SLC24A4: variants seen among roughly 807,000 people sequenced by gnomAD.
SLC24A4 encodes sodium/potassium/calcium exchanger 4.
SLC24A4 carries 53 observed loss-of-function variants against 79.0 expected under a neutral mutation model. The observed-to-expected ratio is 0.67, with a 90% CI of 0.54 to 0.84. SLC24A4 has a LOEUF of 0.84. Among genes scored for constraint, SLC24A4 ranks in the 40% least tolerant of loss-of-function variants. The probability of loss-of-function intolerance (pLI) is 0.00; values close to 1 mark genes in which losing one functional copy is unlikely to be tolerated. For missense variants in SLC24A4, 731 were observed against 822.0 expected (o/e 0.89, Z 1.35); for synonymous variants, 323 against 323.8 (o/e 1.00, Z 0.03).
chr14:92,392,306 G>A (rs903161530), intron 2 of SLC24A4, among the ~76,000 whole-genome samples: 28 of 151,562 alleles, frequency 1.8e-4, no homozygotes, highest in Non-Finnish European at 7.4e-5. Context: ...AAAGACGATA[G>A]CAAAAAATGT....
intron 2 of SLC24A4, among the ~76,000 whole-genome samples, chr14:92,426,475 G>A (rs1295243740): frequency 1.3e-5 from 2 of 152,220 alleles, no homozygotes; most frequent in African/African-American, 4.8e-5. Context: ...CCCTTGTCCA[G>A]CTGTAGAAAT....
chr14:92,484,658 G>T (rs139332493), intron 13 of SLC24A4: 1 of 985,216 alleles, frequency 1.0e-6, no homozygotes, highest in African/African-American at 1.7e-5. Context: ...GAACACCCTG[G>T]CCTTGGTTCA....
chr14:92,400,761 A>G (rs1358495318), intron 2 of SLC24A4, among the ~76,000 whole-genome samples: 3 of 152,222 alleles, frequency 2.0e-5, no homozygotes, highest in African/African-American at 7.2e-5. Flanking sequence ...TAGCCTAAGC[A>G]CGTGGGTCCC....
chr14:92,391,779 G>A (rs1889474492), intron 2 of SLC24A4, among the ~76,000 whole-genome samples: 1 of 152,246 alleles, frequency 6.6e-6, no homozygotes, highest in African/African-American at 2.4e-5. Context: ...GAACCCAGCG[G>A]CCATGCTCTG....
chr14:92,477,156 A>G (rs1404659810), intron 12 of SLC24A4, among the ~76,000 whole-genome samples: 1 of 152,228 alleles, frequency 6.6e-6, no homozygotes. Flanking sequence ...TCAGCAATGT[A>G]TGACGGTTCC....
intron 2 of SLC24A4, among the ~76,000 whole-genome samples, chr14:92,419,672 G>C (rs1412202687): frequency 2.6e-5 from 4 of 152,228 alleles, no homozygotes; most frequent in African/African-American, 9.6e-5. Flanking sequence ...AATCAGGACT[G>C]TCCTAGAGAA....
intron 2 of SLC24A4, among the ~76,000 whole-genome samples, chr14:92,403,839 C>G (rs72631609): frequency 6.7e-5 from 10 of 150,224 alleles, no homozygotes; most frequent in Admixed American, 4.0e-4. Flanking sequence ...CCCTCCCCCC[C>G]ACCCTGGCAC....
chr14:92,453,957 G>T lies in SLC24A4; in HGVS notation c.938G>T (p.Ser313Ile). The T allele has an allele frequency of 6.2e-7, 1 of 1,613,664 alleles. No homozygotes were observed. The highest frequency in any genetic ancestry group is 2.2e-5 in the East Asian group (1 of 44,858). ...GTGGTGATGGTGGACGAGATTATGA[G>T]CTCCAGCCCTCCCAAGTTCACCTTC... ...NPVVMVDEIM[S>I]SSPPKFTFPE... The change falls in exon 11 of 17, where the codon AGC becomes ATC. Residue 313 changes from serine to isoleucine, a missense_variant. Physicochemically the swap from Ser to Ile is moderately radical, Grantham distance 142. Coordinates refer to ENST00000532405, the MANE Select transcript of SLC24A4 (RefSeq NM_153646.4).
At position 92,493,918 on chromosome 14, in the gene SLC24A4, C is replaced by G. The variant is rs1054657552; in HGVS notation, c.*290C>G. The stretch of plus-strand genomic sequence containing the variant: ...CACGGAGATGTGCCAAGCATCTCAT[C>G]TCTCCTGCACACTTTAGTCAGAAGG... On this transcript the variant is annotated 3_prime_UTR_variant, in exon 17 of 17. Transcript: ENST00000532405. 7.6e-5 allele frequency: 30 copies of G among 393,768 alleles called. No homozygotes were observed. Among genetic ancestry groups the G allele is most frequent in the African/African-American group, 5.8e-4 (29 of 49,762 alleles). 24.4% of individuals were successfully genotyped at this position (393,768 alleles called of 1,614,324 possible).
intron 3 of SLC24A4, among the ~76,000 whole-genome samples, chr14:92,438,396 G>C (rs1892295181): frequency 6.6e-6 from 1 of 152,094 alleles, no homozygotes; most frequent in African/African-American, 2.4e-5. Context: ...TTGAGTCCAG[G>C]AGTTCAAAAC....
chr14:92,455,320 G>A (rs1162196070), intron 11 of SLC24A4, among the ~76,000 whole-genome samples: 2 of 152,194 alleles, frequency 1.3e-5, no homozygotes, highest in Non-Finnish European at 2.9e-5. Flanking sequence ...AATGTGCATA[G>A]CTGCAGTCTT....
chr14:92,343,615 T>TCTTTCTTTCTTTCTTC (rs1242746862), intron 2 of SLC24A4, among the ~76,000 whole-genome samples: 3 of 147,342 alleles, frequency 2.0e-5, no homozygotes, highest in Non-Finnish European at 4.5e-5. Context: ...TTTCTTTCTT[T>TCTTTCTTTCTTTCTTC]CTTTCTTTCT....
At position 92,425,519 on chromosome 14, in the gene SLC24A4, C is replaced by T. The variant is rs112109091; in HGVS notation, c.242-8393C>T. ...TGCTGCAGAGGCTGTGGTCTGACATCCCAGGCTAGTTGCTTTGGAGCTGTG... is the reference window on the plus strand; with the variant it reads ...TGCTGCAGAGGCTGTGGTCTGACATTCCAGGCTAGTTGCTTTGGAGCTGTG... On this transcript the variant is annotated intron_variant, in intron 2 of 16. Transcript: ENST00000532405. Among the ~76,000 whole-genome samples the T allele has an allele frequency of 6.4e-3, 982 of 152,328 alleles. 7 individuals are homozygous for T. The highest frequency in any genetic ancestry group is 0.022 in the African/African-American group (922 of 41,572).
At chr14:92,486,400 G>T (rs755320633) in intron 13 of SLC24A4, among the ~76,000 whole-genome samples, 2 of 152,126 alleles carry the variant, frequency 1.3e-5, no homozygotes, top group Non-Finnish European at 2.9e-5. Context: ...GGTAAAGCAG[G>T]GTTCATGTGG....
chr14:92,337,036 G>T (rs1885848501), intron 2 of SLC24A4, among the ~76,000 whole-genome samples: 1 of 152,112 alleles, frequency 6.6e-6, no homozygotes, highest in Non-Finnish European at 1.5e-5. Context: ...AGGCTTTGGG[G>T]ATTTATCTAG....
At chr14:92,364,490 G>A (rs1384569867) in intron 2 of SLC24A4, among the ~76,000 whole-genome samples, 2 of 152,220 alleles carry the variant, frequency 1.3e-5, no homozygotes, top group Non-Finnish European at 2.9e-5. Flanking sequence ...GATGAAACAG[G>A]TGTATTCACA....
intron 12 of SLC24A4, among the ~76,000 whole-genome samples, chr14:92,464,884 G>A (rs1281401291): frequency 6.6e-6 from 1 of 152,226 alleles, no homozygotes; most frequent in Non-Finnish European, 1.5e-5. Context: ...AACCTGTGCA[G>A]CTTTTAGAGC....
In SLC24A4 at chr14:92,359,889, G is replaced by A. The variant is rs145802867; in HGVS notation, c.241+33911G>A. On this transcript the variant is annotated intron_variant, in intron 2 of 16. Transcript: ENST00000532405. ...AAGAAAAACTCTTTATGTAAATGGA[G>A]TTATAGTAACACACACACACTTACG... is the stretch of plus-strand genomic sequence containing the variant. Among the ~76,000 whole-genome samples the A allele has an allele frequency of 7.7e-4, 118 of 152,332 alleles. 1 individual carries two copies. Among genetic ancestry groups the A allele is most frequent in the Non-Finnish European group, 1.5e-3 (99 of 68,030 alleles).
intron 12 of SLC24A4, among the ~76,000 whole-genome samples, chr14:92,464,501 C>T (rs1372575634): frequency 6.6e-6 from 1 of 152,120 alleles, no homozygotes; most frequent in African/African-American, 2.4e-5. Context: ...AACAAGAAGC[C>T]CACACAAGCC....
Sources: allele counts gnomAD v4.1 joint callset (sites outside exome capture counted in the v4.1 genomes callset), GRCh38; gene constraint gnomAD v4.1.1; transcripts MANE v1.5; gene names NCBI Gene and HGNC (gene_info 2026-07-23, HGNC 2026-07-21).